Variants in OPCML observed in about 807,000 individuals in gnomAD.
OPCML encodes opioid binding protein/cell adhesion molecule like, also known as opioid-binding protein/cell adhesion molecule.
Under a neutral mutation model 37.8 loss-of-function variants are expected in OPCML, and 13 were observed. That is an observed-to-expected ratio of 0.34 (90% CI 0.22 to 0.55). The LOEUF (loss-of-function observed/expected upper bound fraction) is 0.55. OPCML is among the 20% of genes least tolerant of loss of function. OPCML has a pLI of 0.91. For synonymous variants in OPCML, 176 were observed against 168.8 expected (o/e 1.04, Z -0.33); for missense variants, 341 against 435.6 (o/e 0.78, Z 1.93).
intron 1 of OPCML, among the ~76,000 whole-genome samples, chr11:133,400,930 G>C (rs1248322345): frequency 7.2e-5 from 11 of 152,212 alleles, no homozygotes; most frequent in Admixed American, 2.0e-4. Context: ...CAGTGCCCTT[G>C]TGGGACACTG....
intron 2 of OPCML, among the ~76,000 whole-genome samples, chr11:132,673,933 G>A (rs1161022219): frequency 1.3e-5 from 2 of 152,076 alleles, no homozygotes; most frequent in African/African-American, 4.8e-5. Flanking sequence ...CCCACTATTA[G>A]CAATTTACCC....
intron 2 of OPCML, among the ~76,000 whole-genome samples, chr11:132,769,994 C>A (rs1438823582): frequency 6.6e-6 from 1 of 152,078 alleles, no homozygotes; most frequent in Non-Finnish European, 1.5e-5. Flanking sequence ...GGGTTGTGTG[C>A]TGAGTGCGAC....
intron 4 of OPCML, among the ~76,000 whole-genome samples, chr11:132,463,802 A>G (rs1232147301): frequency 1.3e-5 from 2 of 152,156 alleles, no homozygotes; most frequent in Non-Finnish European, 2.9e-5. Context: ...CCTGGGAATT[A>G]TGGCTCCATA....
intron 4 of OPCML, among the ~76,000 whole-genome samples, chr11:132,467,938 G>A (rs556015189): frequency 6.6e-6 from 1 of 152,356 alleles, no homozygotes; most frequent in East Asian, 1.9e-4. Context: ...TGAACAGCAA[G>A]GTTGAATAGA....
intron 2 of OPCML, among the ~76,000 whole-genome samples, chr11:132,781,824 T>C (rs1947029780): frequency 6.6e-6 from 1 of 151,150 alleles, no homozygotes; most frequent in South Asian, 2.1e-4. Flanking sequence ...AAGCCAGAGC[T>C]CAATACAAAT....
intron 1 of OPCML, among the ~76,000 whole-genome samples, chr11:133,465,540 G>T (rs1193484412): frequency 6.6e-6 from 1 of 152,130 alleles, no homozygotes; most frequent in Non-Finnish European, 1.5e-5. Context: ...AGAATCTGGG[G>T]TTATGACAAT....
rs553062330 is a variant in OPCML, at chr11:132,943,752, G to T, written c.62-742C>A. ...GGTCGGCGACTCGCGGCCAGCCGGGGGAGCGCCGCCCGGCGCAGGCTCCGG... is the reference window on the plus strand; with the variant it reads ...GGTCGGCGACTCGCGGCCAGCCGGGTGAGCGCCGCCCGGCGCAGGCTCCGG... On this transcript the variant is annotated intron_variant, in intron 1 of 7. Transcript: ENST00000524381. The surrounding 1 kb of genome is among the most constrained non-coding windows in gnomAD (Gnocchi z 4.3). 6.6e-6 allele frequency: 1 copy of T among 150,926 alleles called. No individual in the cohort carries two copies. Among genetic ancestry groups the T allele is most frequent in the Non-Finnish European group, 1.5e-5 (1 of 67,678 alleles). The allele number at this position is 150,926 out of a possible 1,614,324, so 9.3% of individuals were successfully genotyped here.
At chr11:132,749,927 G>C (rs527765646) in intron 2 of OPCML, among the ~76,000 whole-genome samples, 1 of 152,176 alleles carries the variant, frequency 6.6e-6, no homozygotes, top group East Asian at 1.9e-4. Context: ...CTCTTGCCCA[G>C]GCTGGAGTGC....
chr11:132,775,520 G>A lies in OPCML; in HGVS notation c.147-118201C>T, dbSNP rs981731489. On this transcript the variant is annotated intron_variant, in intron 2 of 7. Transcript: ENST00000524381. ...GAACAGTGACAAACTGCATGCATGT[G>A]GCATCTGACACCTGAGCCTCCCTGG... Among the ~76,000 whole-genome samples, 3 of 152,232 alleles carry A rather than the reference G, an allele frequency of 2.0e-5. No homozygotes were observed. The South Asian group carries it at 6.2e-4, about 32-fold the overall frequency.
At chr11:133,149,211 G>T (rs745707978) in intron 1 of OPCML, among the ~76,000 whole-genome samples, 1 of 152,286 alleles carries the variant, frequency 6.6e-6, no homozygotes, top group African/African-American at 2.4e-5. Context: ...ACTTTGTTAC[G>T]CACCATGATA....
chr11:132,554,863 GTTTTTTTTTTTT>G (rs5795789), intron 3 of OPCML, among the ~76,000 whole-genome samples: 1 of 64,010 alleles, frequency 1.6e-5, no homozygotes, highest in African/African-American at 5.8e-5. Context: ...ATGGGGTAAA[GTTTTTTTTTTTT>G]TTTTTTTTTT....
chr11:132,448,119 T>C (rs1229059921), intron 4 of OPCML, among the ~76,000 whole-genome samples: 4 of 152,230 alleles, frequency 2.6e-5, no homozygotes, highest in Non-Finnish European at 5.9e-5. Context: ...TAGGGTCTTT[T>C]CAGGGTATTG....
intron 2 of OPCML, among the ~76,000 whole-genome samples, chr11:132,781,061 A>T (rs1219664402): frequency 6.6e-6 from 1 of 152,182 alleles, no homozygotes; most frequent in Non-Finnish European, 1.5e-5. Context: ...GTTAGTAATA[A>T]CTACTTTAGA....
At chr11:132,746,364 C>A (rs1254802815) in intron 2 of OPCML, among the ~76,000 whole-genome samples, 2 of 152,146 alleles carry the variant, frequency 1.3e-5, no homozygotes, top group Non-Finnish European at 2.9e-5. Flanking sequence ...AGCCAAGTGC[C>A]ATGTCACAGG....
rs527790839 is a variant in OPCML, at chr11:133,249,306, A to C, written c.61+282958T>G. On this transcript the variant is annotated intron_variant, in intron 1 of 7. Transcript: ENST00000524381. ...GGTGAGAGAGGAAGGGAAAGAGAGAAAGGGGAGGAGGTGCCAGGCTCTTTT... is the reference window on the plus strand; with the variant it reads ...GGTGAGAGAGGAAGGGAAAGAGAGACAGGGGAGGAGGTGCCAGGCTCTTTT... Among the ~76,000 whole-genome samples, 230 of 152,164 alleles carry C rather than the reference A, an allele frequency of 1.5e-3. 5 individuals carry two copies. The highest frequency in any genetic ancestry group is 0.01 in the Middle Eastern group (3 of 294).
intron 1 of OPCML, among the ~76,000 whole-genome samples, chr11:133,092,553 CT>C (rs1948924197): frequency 6.6e-6 from 1 of 151,896 alleles, no homozygotes; most frequent in Admixed American, 6.6e-5. Context: ...GGTGAAACCC[CT>C]GTCTCTACTA....
intron 3 of OPCML, among the ~76,000 whole-genome samples, chr11:132,591,832 C>T (rs1294713975): frequency 6.6e-6 from 1 of 152,176 alleles, no homozygotes; most frequent in Non-Finnish European, 1.5e-5. Flanking sequence ...TCACTAGAGA[C>T]ATTTATGTGT....
chr11:132,437,119 A>G (rs2096015638), intron 5 of OPCML, 103 bp downstream of exon 5: 1 of 1,509,196 alleles, frequency 6.6e-7, no homozygotes, highest in Middle Eastern at 2.4e-4. Context: ...TCCTGTTGGC[A>G]GGAACCTGGG....
chr11:133,427,143 A>G (rs1187660420), intron 1 of OPCML, among the ~76,000 whole-genome samples: 4 of 152,122 alleles, frequency 2.6e-5, no homozygotes, highest in South Asian at 4.1e-4. Context: ...ACTTGCCTTC[A>G]CTACAGTTAG....
Sources: gnomAD v4.1 joint callset for allele counts (sites outside exome capture counted in the v4.1 genomes callset) on GRCh38, gnomAD v4.1.1 for gene constraint, Gnocchi (gnomAD v3.1) non-coding constraint, MANE v1.5 for transcripts, NCBI Gene and HGNC (gene_info 2026-07-23, HGNC 2026-07-21) for gene names.